Variants in PBX3 observed in about 807,000 individuals in gnomAD.
PBX3 encodes the protein PBX homeobox 3.
In PBX3, 14 loss-of-function variants were observed where a neutral mutation model predicts 48.5. The ratio of observed to expected loss-of-function variants is 0.29; its 90% CI spans 0.19 to 0.45. The LOEUF (loss-of-function observed/expected upper bound fraction) is 0.45. Among genes scored for constraint, PBX3 ranks in the 20% least tolerant of loss-of-function variants. The pLI is 1.00. For missense variants in PBX3, 386 were observed against 546.7 expected (o/e 0.71, Z 2.93); for synonymous variants, 210 against 200.3 (o/e 1.05, Z -0.41).
chr9:125,876,580 A>G (rs1431051408), intron 2 of PBX3, among the ~76,000 whole-genome samples: 1 of 152,192 alleles, frequency 6.6e-6, no homozygotes, highest in Non-Finnish European at 1.5e-5. Flanking sequence ...AGTATATAAT[A>G]TATATAACAT....
intron 5 of PBX3, chr9:125,949,534 A>G (rs757379765): frequency 4.8e-6 from 7 of 1,460,174 alleles, no homozygotes; most frequent in Middle Eastern, 1.8e-4. Context: ...CTGTGTATAT[A>G]TATATATAGT....
intron 2 of PBX3, among the ~76,000 whole-genome samples, chr9:125,810,619 C>T (rs181567744): frequency 2.0e-5 from 3 of 152,278 alleles, no homozygotes; most frequent in South Asian, 4.1e-4. Flanking sequence ...AGTTACCCAG[C>T]ATCTTTTGAT....
At chr9:125,931,044 G>A (rs1841703124) in intron 4 of PBX3, among the ~76,000 whole-genome samples, 1 of 152,120 alleles carries the variant, frequency 6.6e-6, no homozygotes, top group African/African-American at 2.4e-5. Flanking sequence ...TGGAATAAAA[G>A]GATGAAGGAT....
intron 2 of PBX3, among the ~76,000 whole-genome samples, chr9:125,897,186 C>G (rs1232887207): frequency 1.1e-5 from 1 of 91,876 alleles, no homozygotes; most frequent in Non-Finnish European, 2.1e-5. Context: ...GACATTCATT[C>G]GCATTAGAAT....
chr9:125,947,813 T>G (rs1279274395), intron 5 of PBX3, among the ~76,000 whole-genome samples: 5 of 152,116 alleles, frequency 3.3e-5, no homozygotes, highest in African/African-American at 1.2e-4. Flanking sequence ...TATAACAGTA[T>G]GAAAAAATTT....
chr9:125,833,251 C>T lies in PBX3; in HGVS notation c.275-82435C>T, dbSNP rs572586301. 2.6e-4 allele frequency among the ~76,000 whole-genome samples: 40 copies of T among 152,082 alleles called. No homozygotes were observed. In the Middle Eastern group the frequency reaches 0.01, roughly 39 times the overall value. ...CTGTAATCCCAGCACTTTGGGAGGA[C>T]GAGAGAGGTAGATTGCCTCAGCTCA... On this transcript the variant is annotated intron_variant, in intron 2 of 8. Transcript: ENST00000373489.
intron 2 of PBX3, among the ~76,000 whole-genome samples, chr9:125,788,110 T>G (rs559543371): frequency 6.6e-6 from 1 of 152,336 alleles, no homozygotes; most frequent in South Asian, 2.1e-4. Flanking sequence ...TAACCAACAG[T>G]GGATGCTACC....
chr9:125,791,888 CAA>C (rs879635585), intron 2 of PBX3, among the ~76,000 whole-genome samples: 4 of 129,250 alleles, frequency 3.1e-5, no homozygotes, highest in Non-Finnish European at 3.4e-5. Context: ...GACTCCGTCT[CAA>C]AAAAAAAAAA....
chr9:125,915,979 A>G (rs779020366), intron 3 of PBX3, 52 bp downstream of exon 3: 206 of 1,592,808 alleles, frequency 1.3e-4, no homozygotes, highest in Admixed American at 3.0e-4. Flanking sequence ...TTGCTCTTCT[A>G]TTAGACCATG....
chr9:125,794,162 G>A (rs928523741), intron 2 of PBX3, among the ~76,000 whole-genome samples: 1 of 152,122 alleles, frequency 6.6e-6, no homozygotes, highest in Admixed American at 6.5e-5. Context: ...ATGGAAATGC[G>A]GGAGTTGATG....
At chr9:125,752,603 C>T (rs889672278) in intron 2 of PBX3, among the ~76,000 whole-genome samples, 4 of 152,120 alleles carry the variant, frequency 2.6e-5, no homozygotes, top group African/African-American at 9.7e-5. Flanking sequence ...TGTGAACCCA[C>T]AGGTTTAGAG....
intron 2 of PBX3, among the ~76,000 whole-genome samples, chr9:125,846,776 A>G (rs1304774873): frequency 6.6e-6 from 1 of 152,092 alleles, no homozygotes; most frequent in East Asian, 1.9e-4. Flanking sequence ...ACACCAAAAT[A>G]TGAACCATAA....
intron 2 of PBX3, among the ~76,000 whole-genome samples, chr9:125,914,299 T>TGAAA (rs1841275141): frequency 6.6e-6 from 1 of 152,156 alleles, no homozygotes; most frequent in South Asian, 2.1e-4. Context: ...GTGAGTTAGT[T>TGAAA]TTATTATCCA....
chr9:125,941,916 G>T (rs187068327), intron 5 of PBX3, among the ~76,000 whole-genome samples: 1 of 152,258 alleles, frequency 6.6e-6, no homozygotes, highest in Admixed American at 6.5e-5. Flanking sequence ...TCTCTGCTAG[G>T]TGTTTTTAGA....
At position 125,792,068 on chromosome 9, in the gene PBX3, ACGCACG is replaced by A. The variant is rs781356289; in HGVS notation, c.274+43447_274+43452del. ...CACGCACGCACGCACGCACGCACGC[ACGCACG>A]CATATAAATAAATAAATATTGGAGA... On this transcript the variant is annotated intron_variant, in intron 2 of 8. Transcript: ENST00000373489. Among the ~76,000 whole-genome samples, 1,352 of 151,998 alleles carry A rather than the reference ACGCACG, an allele frequency of 8.9e-3. 29 individuals are homozygous for A. The highest frequency in any genetic ancestry group is 0.031 in the African/African-American group (1,268 of 41,390).
intron 2 of PBX3, among the ~76,000 whole-genome samples, chr9:125,778,366 C>T (rs1308267626): frequency 6.6e-6 from 1 of 151,694 alleles, no homozygotes; most frequent in Non-Finnish European, 1.5e-5. Flanking sequence ...TCAAGCAATT[C>T]TCTGCCTCAG....
At chr9:125,780,350 G>T (rs1837228464) in intron 2 of PBX3, among the ~76,000 whole-genome samples, 2 of 141,748 alleles carry the variant, frequency 1.4e-5, no homozygotes, top group Admixed American at 6.8e-5. Flanking sequence ...GGACGGGGCG[G>T]CTGGCTGGGC....
chr9:125,763,653 C>T (rs1451973981), intron 2 of PBX3, among the ~76,000 whole-genome samples: 1 of 152,100 alleles, frequency 6.6e-6, no homozygotes, highest in African/African-American at 2.4e-5. Context: ...GCGAACGGTG[C>T]TGTAACAATA....
chr9:125,882,393 T>G (rs1357245905), intron 2 of PBX3, among the ~76,000 whole-genome samples: 1 of 152,250 alleles, frequency 6.6e-6, no homozygotes, highest in Non-Finnish European at 1.5e-5. Context: ...TGTGTATCTC[T>G]CATTACTTGA....
Sources: allele counts gnomAD v4.1 joint callset (sites outside exome capture counted in the v4.1 genomes callset), GRCh38; gene constraint gnomAD v4.1.1; transcripts MANE v1.5; gene names NCBI Gene and HGNC (gene_info 2026-07-23, HGNC 2026-07-21).